RNASE11: variants seen among roughly 807,000 people sequenced by gnomAD.
The protein encoded by RNASE11 is putative inactive ribonuclease 11.
For missense variants in RNASE11, 252 were observed against 237.8 expected (o/e 1.06, Z -0.39); for synonymous variants, 105 against 86.1 (o/e 1.22, Z -1.21).
At chr14:20,584,310 C>T (rs775719407) in exon 2 of RNASE11, 31 of 1,613,994 alleles carry the variant, frequency 1.9e-5, no homozygotes, top group Non-Finnish European at 2.4e-5. Context: ...CTAACAGGAT[C>T]GGGTTCATTA....
At chr14:20,589,732 C>CA (rs1409377090), upstream of RNASE11, among the ~76,000 whole-genome samples, 1 of 151,624 alleles carries the variant, frequency 6.6e-6, no homozygotes, top group Non-Finnish European at 1.5e-5. Flanking sequence ...ACTAAAAATA[C>CA]AAAAATCAGC....
upstream of RNASE11, chr14:20,590,152 T>TTAA (rs1884535945): frequency 4.1e-6 from 6 of 1,477,178 alleles, no homozygotes; most frequent in Admixed American, 5.0e-5. Context: ...GAAGGATAAA[T>TTAA]TAATTACCAG....
exon 2 of RNASE11, chr14:20,583,826 A>C (rs1252276050): frequency 2.0e-6 from 3 of 1,523,462 alleles, no homozygotes; most frequent in East Asian, 2.3e-5. Context: ...AGAATGAACA[A>C]GAAGAGGTCC....
exon 2 of RNASE11, chr14:20,583,732 G>T (rs1884360836): frequency 5.0e-6 from 3 of 602,220 alleles, no homozygotes; most frequent in Non-Finnish European, 7.4e-6. Flanking sequence ...CCACAATTTT[G>T]GATTTTTCAC....
rs542335642 is a variant in RNASE11 at position 20,584,555 on chromosome 14, T to C, written c.-22-59A>G. Reference sequence around the variant, plus strand: ...AGAAGATTAAAGAGGTAGTTCTTTCTTCCTCCTGACAGTTATTCCTGGTAG... The same window carrying C: ...AGAAGATTAAAGAGGTAGTTCTTTCCTCCTCCTGACAGTTATTCCTGGTAG... On this transcript the variant is annotated intron_variant, in intron 1 of 1. Coordinates refer to ENST00000553849, the Ensembl canonical transcript of RNASE11. The C allele has an allele frequency of 4.5e-4, 621 of 1,394,180 alleles. 1 individual carries two copies. The highest frequency in any genetic ancestry group is 5.7e-4 in the Non-Finnish European group (593 of 1,049,538). 86.4% of individuals were successfully genotyped at this position (1,394,180 alleles called of 1,614,324 possible). A position where few individuals can be genotyped will look rare whatever the true frequency, so the allele number is the denominator to read the frequency against.
At chr14:20,583,750 G>A (rs1045969899) in exon 2 of RNASE11, 1 of 1,084,942 alleles carries the variant, frequency 9.2e-7, no homozygotes, top group African/African-American at 1.6e-5. Context: ...CACTCCTCCA[G>A]TTAGAATAAA....
At chr14:20,584,304 C>A (rs757971082) in exon 2 of RNASE11, 9 of 1,614,062 alleles carry the variant, frequency 5.6e-6, no homozygotes, top group African/African-American at 1.3e-5. Flanking sequence ...TTTTAACTAA[C>A]AGGATCGGGT....
At chr14:20,584,411 T>C in exon 2 of RNASE11, 1 of 1,613,446 alleles carries the variant, frequency 6.2e-7, no homozygotes, top group Non-Finnish European at 8.5e-7. Context: ...ATCTTCATTG[T>C]GCTTTCTGAT....
exon 2 of RNASE11, chr14:20,583,697 C>T (rs1164065730): frequency 5.8e-6 from 2 of 346,454 alleles, no homozygotes; most frequent in Non-Finnish European, 1.1e-5. Flanking sequence ...ACGCCAGTAT[C>T]AGTCATAACT....
upstream of RNASE11, among the ~76,000 whole-genome samples, chr14:20,589,126 A>ATTCC (rs1884502136): frequency 6.7e-6 from 1 of 150,286 alleles, no homozygotes; most frequent in Non-Finnish European, 1.5e-5. Flanking sequence ...TGATGAACAA[A>ATTCC]TGTTAAAATT....
chr14:20,586,887 T>C (rs1884445386), intron 1 of RNASE11, among the ~76,000 whole-genome samples: 1 of 152,224 alleles, frequency 6.6e-6, no homozygotes. Flanking sequence ...CAGTCACTCA[T>C]GCCTGTGGTC....
upstream of RNASE11, chr14:20,588,366 G>A (rs1248383858): frequency 6.6e-6 from 1 of 152,164 alleles, no homozygotes; most frequent in African/African-American, 2.4e-5. Flanking sequence ...TAAGCAGTAA[G>A]TCCAATTGTA....
upstream of RNASE11, chr14:20,590,167 T>C: frequency 6.6e-7 from 1 of 1,504,126 alleles, no homozygotes; most frequent in Non-Finnish European, 8.8e-7. Context: ...TACCAGTGGC[T>C]TCCCCTTCCG....
chr14:20,585,106 T>A (rs903065497), intron 1 of RNASE11: 2 of 985,046 alleles, frequency 2.0e-6, no homozygotes, highest in South Asian at 9.4e-5. Flanking sequence ...GTTTGTTTCC[T>A]GGGAGTTTCT....
At chr14:20,587,896 G>A (rs1210670150), upstream of RNASE11, 2 of 959,082 alleles carry the variant, frequency 2.1e-6, no homozygotes, top group Non-Finnish European at 1.2e-6. Flanking sequence ...AAGTCCAAAT[G>A]AGCAATGAAC....
upstream of RNASE11, among the ~76,000 whole-genome samples, chr14:20,589,359 T>C (rs1884511326): frequency 6.6e-6 from 1 of 151,418 alleles, no homozygotes; most frequent in Non-Finnish European, 1.5e-5. Context: ...GTTCACGCCA[T>C]TCTCTTGCCT....
At chr14:20,588,562 A>T (rs547009211), upstream of RNASE11, among the ~76,000 whole-genome samples, 56 of 152,224 alleles carry the variant, frequency 3.7e-4, 1 homozygote, top group South Asian at 0.011. Flanking sequence ...CTTTATTTCA[A>T]GACACAAAGG....
chr14:20,584,289 G>T, exon 2 of RNASE11: 1 of 1,614,130 alleles, frequency 6.2e-7, no homozygotes, highest in South Asian at 1.1e-5. Context: ...TGCTGAGGCT[G>T]GTATTTTTAA....
exon 2 of RNASE11, chr14:20,584,137 G>A (rs752786357): frequency 4.3e-6 from 7 of 1,614,174 alleles, no homozygotes; most frequent in East Asian, 2.2e-5. Context: ...CCACTTGCAC[G>A]ATCCGTTTGC....
Sources: allele counts gnomAD v4.1 joint callset (sites outside exome capture counted in the v4.1 genomes callset), GRCh38; gene constraint gnomAD v4.1.1; transcripts MANE v1.5; gene names NCBI Gene and HGNC (gene_info 2026-07-23, HGNC 2026-07-21).